Variants in ZNF385C observed in about 807,000 individuals in gnomAD.
ZNF385C encodes the protein zinc finger protein 385C.
In ZNF385C, 28 loss-of-function variants were observed where a neutral mutation model predicts 35.4. The ratio of observed to expected loss-of-function variants is 0.79; its 90% CI spans 0.59 to 1.08. The LOEUF (loss-of-function observed/expected upper bound fraction) is 1.08. ZNF385C is among the 50% of genes least tolerant of loss of function. The pLI is 0.00. For missense variants in ZNF385C, 605 were observed against 595.6 expected (o/e 1.02, Z -0.16); for synonymous variants, 248 against 248.2 (o/e 1.00, Z 0.01).
In ZNF385C at chr17:42,028,862, C is replaced by G. The variant is rs1555654646; in HGVS notation, c.888G>C (p.Arg296Ser). The change falls in exon 6 of 9, where the codon AGG (arginine) becomes AGC (serine). Residue 296 changes from arginine to serine, a missense_variant. Coordinates refer to ENST00000692273, the MANE Select transcript of ZNF385C (RefSeq NM_001392013.1). ...GGCAGTAGAGGTGCCCCTTCTCACT[C>G]CTGCCTTCCCCACTCATGCTGCTTC... ...AVGSSMSGEGRSEKGHLYCPT... is the reference protein window; with the variant it reads ...AVGSSMSGEGSSEKGHLYCPT... 1.3e-6 allele frequency: 2 copies of G among 1,550,612 alleles called. No homozygotes were observed. Among genetic ancestry groups the G allele is most frequent in the Admixed American group, 2.0e-5 (1 of 51,010 alleles).
chr17:42,063,485 G>A (rs370663340), intron 1 of ZNF385C, among the ~76,000 whole-genome samples: 3 of 152,166 alleles, frequency 2.0e-5, no homozygotes, highest in African/African-American at 4.8e-5. Context: ...CCAAGATCGG[G>A]TGTCATTGCA....
At chr17:42,033,549 G>C (rs557928938) in intron 4 of ZNF385C, among the ~76,000 whole-genome samples, 1 of 152,090 alleles carries the variant, frequency 6.6e-6, no homozygotes, top group Non-Finnish European at 1.5e-5. Flanking sequence ...CCAGGAGTTC[G>C]AGACCAGCTT....
At chr17:42,054,363 T>A (rs1236217939) in intron 2 of ZNF385C, among the ~76,000 whole-genome samples, 3 of 152,010 alleles carry the variant, frequency 2.0e-5, no homozygotes, top group Non-Finnish European at 4.4e-5. Flanking sequence ...TCACTCATCC[T>A]CTCCTCACCA....
intron 5 of ZNF385C, among the ~76,000 whole-genome samples, chr17:42,030,277 C>T (rs1409131959): frequency 6.6e-6 from 1 of 152,128 alleles, no homozygotes; most frequent in Non-Finnish European, 1.5e-5. Context: ...ATCACAAGGT[C>T]AGGAGTTCGA....
At chr17:42,030,082 C>G (rs2052693395) in intron 5 of ZNF385C, among the ~76,000 whole-genome samples, 1 of 151,608 alleles carries the variant, frequency 6.6e-6, no homozygotes, top group South Asian at 2.1e-4. Flanking sequence ...TGGTATGATC[C>G]ACGGTGGAGT....
At position 42,028,888 on chromosome 17, in the gene ZNF385C, C is replaced by T; in HGVS notation, c.862G>A (p.Gly288Arg). 1.9e-6 allele frequency: 3 copies of T among 1,550,596 alleles called. No individual in the cohort carries two copies. Among genetic ancestry groups the T allele is most frequent in the East Asian group, 2.4e-5 (1 of 40,926 alleles). The change falls in exon 6 of 9, where the codon GGA (glycine) becomes AGA (arginine). Residue 288 changes from glycine (G) to arginine (R), a missense_variant. By Grantham distance (125) the Gly-to-Arg change is moderately radical (BLOSUM62 -2). Transcript: ENST00000692273. ...CTGCCTTCCCCACTCATGCTGCTTC[C>T]CACGGCAGCTGCCGCTGGCTCAGGC... is the stretch of plus-strand genomic sequence containing the variant. ...PGPEPAAAAVGSSMSGEGRSE... is the reference protein window; with the variant it reads ...PGPEPAAAAVRSSMSGEGRSE...
Position 42,037,733 on chromosome 17 carries a change from A to G in ZNF385C, c.399+4T>C. 1 of 1,527,384 alleles carries G rather than the reference A, an allele frequency of 6.5e-7. No individual in the cohort carries two copies. Among genetic ancestry groups the G allele is most frequent in the Non-Finnish European group, 8.8e-7 (1 of 1,136,638 alleles). The allele number at this position is 1,527,384 out of a possible 1,614,324, so 94.6% of individuals were successfully genotyped here. ...ATGCCCCCACCCGCCAGCCCAGCCC[A>G]TACCGTGCTGAAGTTGGGGAAGAGA... On this transcript the variant is annotated splice_donor_region_variant and intron_variant, in intron 3 of 8. Transcript: ENST00000692273.
At chr17:42,082,331 C>G (rs1180081242) in intron 1 of ZNF385C, among the ~76,000 whole-genome samples, 1 of 152,252 alleles carries the variant, frequency 6.6e-6, no homozygotes, top group Non-Finnish European at 1.5e-5. Context: ...AGCCACCACG[C>G]CCGACCTCTT....
chr17:42,055,374 A>C (rs1353479172), intron 2 of ZNF385C, among the ~76,000 whole-genome samples: 6 of 151,690 alleles, frequency 4.0e-5, no homozygotes, highest in African/African-American at 1.5e-4. Context: ...CTGTACCCAG[A>C]CAGCCTTGCT....
At chr17:42,052,426 C>T (rs1366991798) in intron 2 of ZNF385C, among the ~76,000 whole-genome samples, 4 of 152,058 alleles carry the variant, frequency 2.6e-5, no homozygotes, top group African/African-American at 9.7e-5. Context: ...AAGGCACATA[C>T]ATACATACCT....
At chr17:42,083,705 G>GTTTTTTT (rs1360873738) in intron 1 of ZNF385C, among the ~76,000 whole-genome samples, 21 of 58,292 alleles carry the variant, frequency 3.6e-4, no homozygotes, top group Non-Finnish European at 5.5e-4. Context: ...TGCTTTTCAA[G>GTTTTTTT]TCTTTTTTTT....
At chr17:42,091,541 A>T (rs2053863438) in intron 1 of ZNF385C, among the ~76,000 whole-genome samples, 1 of 152,180 alleles carries the variant, frequency 6.6e-6, no homozygotes, top group African/African-American at 2.4e-5. Context: ...CCAAATGGAC[A>T]GCTCCCCCTC....
intron 2 of ZNF385C, among the ~76,000 whole-genome samples, chr17:42,052,909 A>G (rs117693928): frequency 4.6e-3 from 699 of 152,328 alleles, no homozygotes; most frequent in Non-Finnish European, 6.8e-3. Context: ...CCAGAAGCAC[A>G]TGCCTGCACA....
chr17:42,081,472 C>T (rs1465515852), intron 1 of ZNF385C, among the ~76,000 whole-genome samples: 1 of 152,176 alleles, frequency 6.6e-6, no homozygotes, highest in Non-Finnish European at 1.5e-5. Context: ...CTGAAACCTT[C>T]ACCTCCTGGG....
intron 6 of ZNF385C, chr17:42,028,548 C>G (rs1555654603): frequency 1.6e-6 from 1 of 614,904 alleles, no homozygotes; most frequent in East Asian, 2.8e-5. Context: ...GTGGAGTGAC[C>G]CTTCAGAGAT....
intron 1 of ZNF385C, among the ~76,000 whole-genome samples, chr17:42,088,496 C>T (rs1399789708): frequency 1.3e-5 from 2 of 152,260 alleles, no homozygotes; most frequent in African/African-American, 4.8e-5. Context: ...GCCAGGTCTG[C>T]GGCCGCCTGG....
rs139002305 is a variant in ZNF385C, at chr17:42,089,185, G to A, written c.-3+9225C>T. Among the ~76,000 whole-genome samples the A allele has an allele frequency of 2.6e-3, 393 of 152,140 alleles. 1 individual carries two copies. The highest frequency in any genetic ancestry group is 8.6e-3 in the African/African-American group (356 of 41,498). ...ACAAAAATTAGCTGGGTGTGGTGGT[G>A]CACACCTATAGTCCCAGCTACTCAG... On this transcript the variant is annotated intron_variant, in intron 1 of 8. Transcript: ENST00000692273.
intron 2 of ZNF385C, among the ~76,000 whole-genome samples, chr17:42,045,934 C>T (rs532565551): frequency 7.2e-5 from 11 of 152,350 alleles, no homozygotes; most frequent in Admixed American, 2.6e-4. Context: ...TCTGCCCAAT[C>T]AATCCTGAAG....
chr17:42,077,470 CG>C (rs1282237352), intron 1 of ZNF385C, among the ~76,000 whole-genome samples: 1 of 152,156 alleles, frequency 6.6e-6, no homozygotes, highest in Non-Finnish European at 1.5e-5. Context: ...AGGCCCATAC[CG>C]AACAGCAGCT....
Sources: gnomAD v4.1 joint callset for allele counts (sites outside exome capture counted in the v4.1 genomes callset) on GRCh38, gnomAD v4.1.1 for gene constraint, MANE v1.5 for transcripts, NCBI Gene and HGNC (gene_info 2026-07-23, HGNC 2026-07-21) for gene names.